RNGTT: variants seen among roughly 807,000 people sequenced by gnomAD.
RNGTT encodes the protein RNA guanylyltransferase and 5'-phosphatase, also known as mRNA-capping enzyme.
In RNGTT, 33 loss-of-function variants were observed where a neutral mutation model predicts 79.3. The observed-to-expected ratio is 0.42, with a 90% confidence interval of 0.32 to 0.56. The LOEUF (loss-of-function observed/expected upper bound fraction) is 0.56, where lower values mean the gene tolerates loss of function less well. Among genes scored for constraint, RNGTT ranks in the 20% least tolerant of loss-of-function variants. The pLI is 0.17. For synonymous variants in RNGTT, 222 were observed against 235.9 expected (o/e 0.94, Z 0.54); for missense variants, 497 against 739.1 (o/e 0.67, Z 3.80).
At position 88,946,914 on chromosome 6, in the gene RNGTT, G is replaced by A. The variant is rs563222035; in HGVS notation, c.65-5734C>T. ...GCCAACCTCGGCCTCCCGAGGTGCC[G>A]GGATTGCAGACGGAGTCTCGTTCAC... is the stretch of plus-strand genomic sequence containing the variant. On this transcript the variant is annotated intron_variant, in intron 1 of 15. Coordinates refer to ENST00000369485, the MANE Select transcript of RNGTT (RefSeq NM_003800.5). Among the ~76,000 whole-genome samples the A allele has an allele frequency of 3.2e-4, 41 of 126,948 alleles. No individual in the cohort carries two copies. The East Asian group carries it at 7.5e-3, about 23-fold the overall frequency. 83.3% of individuals were successfully genotyped at this position (126,948 alleles called of 152,430 possible).
At chr6:88,731,304 T>C (rs1051456715) in intron 13 of RNGTT, among the ~76,000 whole-genome samples, 1 of 152,162 alleles carries the variant, frequency 6.6e-6, no homozygotes, top group Non-Finnish European at 1.5e-5. Flanking sequence ...TAAAGGCCAA[T>C]CTACTTCACT....
chr6:88,906,335 A>T lies in RNGTT; in HGVS notation c.443+30T>A, dbSNP rs777294257. The T allele has an allele frequency of 1.5e-5, 21 of 1,411,812 alleles. No homozygotes were observed. The South Asian group carries it at 2.7e-4, about 18-fold the overall frequency. The allele number at this position is 1,411,812 out of a possible 1,614,324, so 87.5% of individuals were successfully genotyped here. A position where few individuals can be genotyped will look rare whatever the true frequency, so the allele number is the denominator to read the frequency against. ...TCAATAAAATTTTTTATTACAAAATACATCTTCCATTATAACAAGATACAA... is the reference window on the plus strand; with the variant it reads ...TCAATAAAATTTTTTATTACAAAATTCATCTTCCATTATAACAAGATACAA... On this transcript the variant is annotated intron_variant, in intron 5 of 15. Coordinates refer to ENST00000369485, the MANE Select transcript of RNGTT (RefSeq NM_003800.5).
intron 8 of RNGTT, among the ~76,000 whole-genome samples, chr6:88,859,570 A>G (rs949555155): frequency 3.3e-5 from 5 of 152,174 alleles, no homozygotes; most frequent in Admixed American, 6.5e-5. Flanking sequence ...TTGAATCCCT[A>G]TGAACAGGTG....
At chr6:88,811,153 A>C (rs1780124453) in intron 11 of RNGTT, among the ~76,000 whole-genome samples, 1 of 152,226 alleles carries the variant, frequency 6.6e-6, no homozygotes, top group Admixed American at 6.5e-5. Context: ...AGAAATTTAA[A>C]GTGGAATATC....
intron 13 of RNGTT, 45 bp downstream of exon 13, chr6:88,769,729 C>A: frequency 8.5e-7 from 1 of 1,181,204 alleles, no homozygotes; most frequent in Non-Finnish European, 1.3e-6. Flanking sequence ...AAGCCTTACA[C>A]AAACAGTATT....
At chr6:88,899,077 T>C in intron 6 of RNGTT, among the ~76,000 whole-genome samples, 1 of 151,960 alleles carries the variant, frequency 6.6e-6, no homozygotes, top group East Asian at 1.9e-4. Flanking sequence ...GTAAAATATT[T>C]AATAATTTTA....
intron 11 of RNGTT, among the ~76,000 whole-genome samples, chr6:88,804,969 TTAGAAGTGCTTTGCTCTTTGAAGA>T (rs1417130268): frequency 6.6e-6 from 1 of 152,258 alleles, no homozygotes; most frequent in African/African-American, 2.4e-5. Flanking sequence ...GTTCATAATC[TTAGAAGTGCTTTGCTCTTTGAAGA>T]TACCTTTAAA....
rs1782874827 is a variant in RNGTT at position 88,886,741 on chromosome 6, T to C, written c.896+3754A>G. Among the ~76,000 whole-genome samples, 5 of 152,206 alleles carry C rather than the reference T, an allele frequency of 3.3e-5. No homozygotes were observed. In the South Asian group the frequency reaches 1.0e-3, roughly 32 times the overall value. On this transcript the variant is annotated intron_variant, in intron 8 of 15. Transcript: ENST00000369485. ...TTCCATCAAACAAACTTTCATTTCATCTGTTTCTGAGATTACAGTGGCTTA... is the reference window on the plus strand; with the variant it reads ...TTCCATCAAACAAACTTTCATTTCACCTGTTTCTGAGATTACAGTGGCTTA...
At chr6:88,834,229 T>C (rs989176732) in intron 11 of RNGTT, among the ~76,000 whole-genome samples, 1 of 152,214 alleles carries the variant, frequency 6.6e-6, no homozygotes, top group Non-Finnish European at 1.5e-5. Context: ...CATGTGTCAA[T>C]GAATAAGATT....
chr6:88,944,856 T>A (rs1331486119), intron 1 of RNGTT, among the ~76,000 whole-genome samples: 1 of 152,226 alleles, frequency 6.6e-6, no homozygotes, highest in Non-Finnish European at 1.5e-5. Flanking sequence ...CTCCTGAATG[T>A]GACTACATTC....
intron 14 of RNGTT, among the ~76,000 whole-genome samples, chr6:88,662,782 G>C (rs1479055806): frequency 6.6e-6 from 1 of 152,206 alleles, no homozygotes; most frequent in African/African-American, 2.4e-5. Flanking sequence ...GTGTGCGGCA[G>C]ACCCCCGTGG....
chr6:88,736,892 C>T (rs1777306369), intron 13 of RNGTT, among the ~76,000 whole-genome samples: 1 of 152,148 alleles, frequency 6.6e-6, no homozygotes, highest in Non-Finnish European at 1.5e-5. Flanking sequence ...ATTTAGAGAT[C>T]ATCAGAGAGC....
rs570065512 is a variant in RNGTT, at chr6:88,919,529, T to C, written c.367+9456A>G. Among the ~76,000 whole-genome samples the C allele has an allele frequency of 1.2e-4, 18 of 152,168 alleles. No homozygotes were observed. In the East Asian group the frequency reaches 2.1e-3, roughly 18 times the overall value. ...GGGGGGTATAGACAGGGTCTCTCTA[T>C]GTTGCCAAGGCTGGTCTTGAACTCC... On this transcript the variant is annotated intron_variant, in intron 4 of 15. Coordinates refer to ENST00000369485, the MANE Select transcript of RNGTT (RefSeq NM_003800.5).
intron 1 of RNGTT, among the ~76,000 whole-genome samples, chr6:88,952,494 T>C (rs931697674): frequency 1.3e-5 from 2 of 152,218 alleles, no homozygotes; most frequent in African/African-American, 4.8e-5. Flanking sequence ...ACCTCCTGGC[T>C]GAAAGCCAAC....
chr6:88,660,555 A>AAAAAAAAAAAAAG (rs937133942), intron 14 of RNGTT, among the ~76,000 whole-genome samples: 9 of 151,720 alleles, frequency 5.9e-5, no homozygotes, highest in African/African-American at 2.2e-4. Flanking sequence ...ATGGTAAAAA[A>AAAAAAAAAAAAAG]AAAGAAAGAA....
chr6:88,911,282 G>A (rs1410938960), intron 4 of RNGTT, among the ~76,000 whole-genome samples: 1 of 152,192 alleles, frequency 6.6e-6, no homozygotes, highest in African/African-American at 2.4e-5. Flanking sequence ...GTAAAGGGAT[G>A]GAGAAAGATC....
Position 88,853,650 on chromosome 6 carries a change from T to C in RNGTT, c.1011A>G (p.Leu337=), listed in dbSNP as rs182002643. ...FPFRKDLRMH[L]SNTLLDGEMI... is the part of the protein sequence containing the mutation. ...TTACGCCATCCAAGAGAGTATTTGA[T>C]AAATGCATACGAAGATCTTTACGAA... Residue 337 remains leucine (L), a synonymous_variant, in exon 9 of 16, where the codon TTA becomes TTG. Coordinates refer to ENST00000369485, the MANE Select transcript of RNGTT (RefSeq NM_003800.5). 17 of 1,590,822 alleles carry C rather than the reference T, an allele frequency of 1.1e-5. No homozygotes were observed. The African/African-American group carries it at 1.5e-4, about 14-fold the overall frequency.
intron 4 of RNGTT, among the ~76,000 whole-genome samples, chr6:88,914,254 C>A (rs749298707): frequency 6.6e-6 from 1 of 152,032 alleles, no homozygotes; most frequent in Non-Finnish European, 1.5e-5. Context: ...AAATTACCAA[C>A]AGCATTTTTC....
At chr6:88,815,046 C>CT (rs1780271936) in intron 11 of RNGTT, among the ~76,000 whole-genome samples, 1 of 152,174 alleles carries the variant, frequency 6.6e-6, no homozygotes, top group African/African-American at 2.4e-5. Flanking sequence ...ACTGGAGAGT[C>CT]TAACAATGTG....
Sources: allele counts gnomAD v4.1 joint callset (sites outside exome capture counted in the v4.1 genomes callset), GRCh38; gene constraint gnomAD v4.1.1; transcripts MANE v1.5; gene names NCBI Gene and HGNC (gene_info 2026-07-23, HGNC 2026-07-21).